Variants in ADAMTS17 observed in about 807,000 individuals in gnomAD.
ADAMTS17 encodes the protein ADAM metallopeptidase with thrombospondin type 1 motif 17.
A neutral mutation model predicts 141.5 loss-of-function variants in ADAMTS17; 113 were observed. The observed-to-expected ratio is 0.80, with a 90% CI of 0.69 to 0.93. ADAMTS17 has a LOEUF of 0.93. Ranked by LOEUF, ADAMTS17 falls within the 40% of genes least tolerant of loss-of-function variation. The probability of loss-of-function intolerance (pLI) is 0.00; values close to 1 mark genes in which losing one functional copy is unlikely to be tolerated. For synonymous variants in ADAMTS17, 768 were observed against 630.6 expected (o/e 1.22, Z -3.27); for missense variants, 1,659 against 1,517.9 (o/e 1.09, Z -1.54).
At chr15:100,203,444 C>T (rs957011968) in intron 7 of ADAMTS17, among the ~76,000 whole-genome samples, 2 of 152,038 alleles carry the variant, frequency 1.3e-5, no homozygotes, top group Non-Finnish European at 2.9e-5. Flanking sequence ...TGGTGGCCCA[C>T]GCCTGTAATC....
chr15:100,293,031 T>C (rs1346021914), intron 3 of ADAMTS17, among the ~76,000 whole-genome samples: 1 of 152,254 alleles, frequency 6.6e-6, no homozygotes, highest in East Asian at 1.9e-4. Flanking sequence ...TGTTTAATTA[T>C]ATCTTATAGG....
intron 8 of ADAMTS17, among the ~76,000 whole-genome samples, chr15:100,168,930 C>T (rs983580342): frequency 5.9e-5 from 9 of 152,252 alleles, no homozygotes; most frequent in African/African-American, 2.2e-4. Context: ...TGTATTTTAA[C>T]ATCATCTGCC....
intron 4 of ADAMTS17, among the ~76,000 whole-genome samples, chr15:100,267,702 G>A (rs563520077): frequency 2.0e-5 from 3 of 151,990 alleles, no homozygotes; most frequent in African/African-American, 4.8e-5. Flanking sequence ...CTAGTAGTCC[G>A]CAGTGTCTGC....
intron 3 of ADAMTS17, among the ~76,000 whole-genome samples, chr15:100,321,469 C>G (rs2045732040): frequency 6.6e-6 from 1 of 152,168 alleles, no homozygotes. Context: ...ATACGTACAT[C>G]ATCATGACAG....
chr15:100,134,253 T>C (rs1018299775), intron 10 of ADAMTS17, among the ~76,000 whole-genome samples: 1 of 152,192 alleles, frequency 6.6e-6, no homozygotes, highest in African/African-American at 2.4e-5. Flanking sequence ...CAGCAGTCAC[T>C]TACTCAGGAT....
chr15:100,146,390 T>C (rs1452723145), intron 10 of ADAMTS17, among the ~76,000 whole-genome samples: 1 of 152,212 alleles, frequency 6.6e-6, no homozygotes, highest in Non-Finnish European at 1.5e-5. Context: ...TCTCTAAACA[T>C]AAATTGTGAA....
At chr15:100,078,579 C>T (rs2141794919) in intron 15 of ADAMTS17, among the ~76,000 whole-genome samples, 1 of 152,230 alleles carries the variant, frequency 6.6e-6, no homozygotes, top group South Asian at 2.1e-4. Flanking sequence ...AAAAATGGAT[C>T]ACAGATGTAA....
intron 18 of ADAMTS17, among the ~76,000 whole-genome samples, chr15:100,040,637 C>G (rs971108976): frequency 2.0e-5 from 3 of 150,850 alleles, no homozygotes; most frequent in Non-Finnish European, 4.4e-5. Flanking sequence ...AGGGCATTCT[C>G]TCATCCTCTG....
intron 8 of ADAMTS17, among the ~76,000 whole-genome samples, chr15:100,183,371 A>G (rs1207568429): frequency 6.6e-6 from 1 of 152,110 alleles, no homozygotes; most frequent in Non-Finnish European, 1.5e-5. Flanking sequence ...CTCTGTTCAG[A>G]TTGAGTGAAT....
chr15:100,055,405 C>T (rs557124024), intron 15 of ADAMTS17, among the ~76,000 whole-genome samples: 1 of 152,330 alleles, frequency 6.6e-6, no homozygotes, highest in African/African-American at 2.4e-5. Context: ...AGTCACTGGC[C>T]TCAGTTCTTG....
At chr15:100,162,147 A>G (rs1596148642) in intron 8 of ADAMTS17, among the ~76,000 whole-genome samples, 1 of 152,128 alleles carries the variant, frequency 6.6e-6, no homozygotes, top group African/African-American at 2.4e-5. Context: ...TATGGATAAC[A>G]CTCATACAAT....
Position 100,051,636 on chromosome 15 carries a change from C to A in ADAMTS17, c.2391G>T (p.Pro797=), listed in dbSNP as rs759649845. The change falls in exon 17 of 22, where the codon CCG becomes CCT. Residue 797 remains proline, a synonymous_variant. Transcript: ENST00000268070. ...TAENQSEPEK[P]QDSLFIWTHS... ...GGGTCCAGATGAACAAAGAGTCCTGCGGTTTTTCTGGTTCGCTTTGATTTT... is the reference window on the plus strand; with the variant it reads ...GGGTCCAGATGAACAAAGAGTCCTGAGGTTTTTCTGGTTCGCTTTGATTTT... The A allele has an allele frequency of 1.2e-5, 20 of 1,614,054 alleles. No homozygotes were observed. Among genetic ancestry groups the A allele is most frequent in the Non-Finnish European group, 1.5e-5 (18 of 1,180,042 alleles).
In ADAMTS17 at chr15:100,070,548, G is replaced by C. The variant is rs1461600904; in HGVS notation, c.2138-16494C>G. Among the ~76,000 whole-genome samples, 2 of 150,070 alleles carry C rather than the reference G, an allele frequency of 1.3e-5. 1 individual carries two copies. The highest frequency in any genetic ancestry group is 4.9e-5 in the African/African-American group (2 of 40,522). ...AGAAATTATAACAAACTGTCTCTCA[G>C]ACCACGGTGCAATCAAACTAGAACT... On this transcript the variant is annotated intron_variant, in intron 15 of 21. Transcript: ENST00000268070.
intron 21 of ADAMTS17, among the ~76,000 whole-genome samples, chr15:99,975,421 G>A (rs1319741091): frequency 6.6e-6 from 1 of 152,122 alleles, no homozygotes; most frequent in Non-Finnish European, 1.5e-5. Flanking sequence ...TGTTGGTCAG[G>A]CTGGTCTCGA....
intron 19 of ADAMTS17, among the ~76,000 whole-genome samples, chr15:99,995,272 C>T (rs2060776573): frequency 6.6e-6 from 1 of 152,240 alleles, no homozygotes; most frequent in African/African-American, 2.4e-5. Flanking sequence ...TGCTCCTCTG[C>T]AACCAGGAAC....
At chr15:100,179,753 GAT>G (rs1367577885) in intron 8 of ADAMTS17, among the ~76,000 whole-genome samples, 1 of 152,174 alleles carries the variant, frequency 6.6e-6, no homozygotes, top group Non-Finnish European at 1.5e-5. Flanking sequence ...GGGGTGAGAT[GAT>G]ATCTCATGGT....
intron 15 of ADAMTS17, among the ~76,000 whole-genome samples, chr15:100,075,164 TTC>T (rs1480913607): frequency 2.0e-5 from 3 of 152,230 alleles, no homozygotes; most frequent in African/African-American, 7.2e-5. Context: ...GCATCCTACT[TTC>T]TCACATCCCA....
chr15:100,006,764 G>A (rs2061043764), intron 18 of ADAMTS17, among the ~76,000 whole-genome samples: 1 of 152,200 alleles, frequency 6.6e-6, no homozygotes, highest in African/African-American at 2.4e-5. Context: ...CATTCACTCA[G>A]TTAATCAAAG....
rs1311609663 is a variant in ADAMTS17 at position 100,341,951 on chromosome 15, G to A, written c.-52C>T. ...GACCGTGGCGGCGAAGCAGGAGCGC[G>A]CTAGGCGGCGGCGCCAGCCGGAGTG... is the stretch of plus-strand genomic sequence containing the variant. On this transcript the variant is annotated 5_prime_UTR_variant, in exon 1 of 22. Transcript: ENST00000268070. The A allele has an allele frequency of 1.3e-6, 2 of 1,542,714 alleles. No homozygotes were observed. Among genetic ancestry groups the A allele is most frequent in the East Asian group, 2.5e-5 (1 of 40,762 alleles).
Sources: gnomAD v4.1 joint callset for allele counts (sites outside exome capture counted in the v4.1 genomes callset) on GRCh38, gnomAD v4.1.1 for gene constraint, MANE v1.5 for transcripts, NCBI Gene and HGNC (gene_info 2026-07-23, HGNC 2026-07-21) for gene names.